Variants in BCAT1 observed in about 807,000 individuals in gnomAD.
BCAT1 encodes the protein branched-chain-amino-acid aminotransferase, cytosolic.
Under a neutral mutation model 52.4 loss-of-function variants are expected in BCAT1, and 48 were observed. That is an observed-to-expected ratio of 0.92 (90% CI 0.73 to 1.16). The LOEUF (loss-of-function observed/expected upper bound fraction) is 1.16, where lower values mean the gene tolerates loss of function less well. BCAT1 is among the 50% of genes most tolerant of loss of function. The pLI is 0.00. For missense variants in BCAT1, 451 were observed against 457.1 expected, an observed-to-expected ratio of 0.99 and a Z score of 0.12; for synonymous variants, 167 against 161.3, an observed-to-expected ratio of 1.04 and a Z score of -0.27.
chr12:24,876,278 A>AT (rs1942336295), intron 5 of BCAT1, among the ~76,000 whole-genome samples: 1 of 143,868 alleles, frequency 7.0e-6, no homozygotes, highest in Non-Finnish European at 1.5e-5. Context: ...AAAAAAAAAA[A>AT]GAAAGAAAAG....
At chr12:24,885,025 G>A (rs890823359) in intron 3 of BCAT1, among the ~76,000 whole-genome samples, 2 of 152,100 alleles carry the variant, frequency 1.3e-5, no homozygotes, top group East Asian at 1.9e-4. Flanking sequence ...TATCAAATTG[G>A]GAACATCGCA....
At chr12:24,911,574 T>C (rs1025067854) in intron 1 of BCAT1, among the ~76,000 whole-genome samples, 4 of 152,230 alleles carry the variant, frequency 2.6e-5, no homozygotes, top group Non-Finnish European at 5.9e-5. Context: ...GACATTCCAG[T>C]GGAGTCTGTT....
rs979830828 is a variant in BCAT1 at position 24,816,057 on chromosome 12, A to G, written c.*1951T>C. ...GACAGTCAAGAGCACCTCAGGCCTG[A>G]AAAGAACAGCTTCTCCCAAGATTTC... On this transcript the variant is annotated 3_prime_UTR_variant, in exon 11 of 11. Transcript: ENST00000261192. The G allele has an allele frequency of 6.5e-6, 1 of 152,750 alleles. No individual in the cohort carries two copies. The highest frequency in any genetic ancestry group is 1.5e-5 in the Non-Finnish European group (1 of 68,458). The allele number at this position is 152,750 out of a possible 1,614,324, so 9.5% of individuals were successfully genotyped here.
At chr12:24,921,176 C>T (rs985451092) in intron 1 of BCAT1, among the ~76,000 whole-genome samples, 2 of 152,148 alleles carry the variant, frequency 1.3e-5, no homozygotes, top group African/African-American at 4.8e-5. Context: ...AAACCACTGG[C>T]CATTGGTGAT....
chr12:24,830,958 A>G (rs958315800), intron 9 of BCAT1, among the ~76,000 whole-genome samples: 4 of 152,228 alleles, frequency 2.6e-5, no homozygotes, highest in East Asian at 1.9e-4. Flanking sequence ...GCTGAGGGAA[A>G]ATAACTCTAA....
chr12:24,927,528 T>A (rs1412047127), intron 1 of BCAT1, among the ~76,000 whole-genome samples: 1 of 152,210 alleles, frequency 6.6e-6, no homozygotes, highest in African/African-American at 2.4e-5. Context: ...CAAATACCAT[T>A]GTCTTTTAAA....
chr12:24,910,244 G>A (rs1286589506), intron 1 of BCAT1, among the ~76,000 whole-genome samples: 1 of 152,028 alleles, frequency 6.6e-6, no homozygotes, highest in African/African-American at 2.4e-5. Context: ...GGGCTTGATG[G>A]CGGGTGCCTG....
intron 8 of BCAT1, among the ~76,000 whole-genome samples, chr12:24,833,475 C>T (rs867317581): frequency 1.3e-5 from 2 of 152,058 alleles, no homozygotes; most frequent in African/African-American, 4.8e-5. Context: ...ACCAAGATCA[C>T]GTCACTGCAG....
chr12:24,837,020 AAAAG>A lies in BCAT1; in HGVS notation c.818-428_818-425del, dbSNP rs879587101. Among the ~76,000 whole-genome samples the A allele has an allele frequency of 2.8e-3, 393 of 138,828 alleles. 28 individuals carry two copies. Among genetic ancestry groups the A allele is most frequent in the Non-Finnish European group, 2.7e-3 (172 of 62,856 alleles). 91.1% of individuals were successfully genotyped at this position (138,828 alleles called of 152,430 possible). A position where few individuals can be genotyped will look rare whatever the true frequency, so the allele number is the denominator to read the frequency against. ...AAGGAACGAAGGAAGGAAGAAAGAAAAAAGAAAGAAAGAAAGAAAAAAGAAAAGA... is the reference window on the plus strand; with the variant it reads ...AAGGAACGAAGGAAGGAAGAAAGAAAAAAGAAAGAAAGAAAAAAGAAAAGA... On this transcript the variant is annotated intron_variant, in intron 7 of 10. Transcript: ENST00000261192.
chr12:24,947,115 C>T (rs1031257138), intron 1 of BCAT1, among the ~76,000 whole-genome samples: 20 of 150,800 alleles, frequency 1.3e-4, no homozygotes, highest in Non-Finnish European at 2.2e-4. Context: ...GGGGCCACAT[C>T]CTGTGTCTGG....
At chr12:24,906,398 G>A (rs1346879404) in intron 1 of BCAT1, among the ~76,000 whole-genome samples, 1 of 152,116 alleles carries the variant, frequency 6.6e-6, no homozygotes, top group Non-Finnish European at 1.5e-5. Flanking sequence ...GGCTGTGAGA[G>A]ATCTGCCTGT....
At chr12:24,879,687 C>A (rs746207915) in intron 4 of BCAT1, among the ~76,000 whole-genome samples, 23 of 152,212 alleles carry the variant, frequency 1.5e-4, no homozygotes, top group Non-Finnish European at 1.9e-4. Flanking sequence ...GAGAAGAGAA[C>A]TTGACCAGGA....
chr12:24,920,022 C>A (rs1943479549), intron 1 of BCAT1, among the ~76,000 whole-genome samples: 1 of 151,960 alleles, frequency 6.6e-6, no homozygotes, highest in African/African-American at 2.4e-5. Flanking sequence ...GTATAAATTA[C>A]CCTGTCTTGG....
intron 5 of BCAT1, among the ~76,000 whole-genome samples, chr12:24,865,225 C>T (rs1941972274): frequency 6.6e-6 from 1 of 152,202 alleles, no homozygotes; most frequent in Admixed American, 6.5e-5. Context: ...TACCTACATG[C>T]ATGACTGTTT....
intron 1 of BCAT1, among the ~76,000 whole-genome samples, chr12:24,946,053 A>G (rs1214061872): frequency 6.6e-6 from 1 of 152,220 alleles, no homozygotes; most frequent in African/African-American, 2.4e-5. Flanking sequence ...TTTATTTTCC[A>G]ACTTCCTATA....
rs1555102883 is a variant in BCAT1 at position 24,836,916 on chromosome 12, A to AG, written c.818-321_818-320insC. ...AAGAAAGAAAAGAAAGAGAGAAAGAAAGAAAGAAAGAAAGAAAGAAAGAAA... is the reference window on the plus strand; with the variant it reads ...AAGAAAGAAAAGAAAGAGAGAAAGAAGAGAAAGAAAGAAAGAAAGAAAGAAA... On this transcript the variant is annotated intron_variant, in intron 7 of 10. Coordinates refer to ENST00000261192, the MANE Select transcript of BCAT1 (RefSeq NM_005504.7). 2.4e-4 allele frequency among the ~76,000 whole-genome samples: 11 copies of AG among 45,508 alleles called. 1 individual carries two copies. The highest frequency in any genetic ancestry group is 6.3e-4 in the African/African-American group (11 of 17,406). 29.9% of individuals were successfully genotyped at this position (45,508 alleles called of 152,430 possible).
At chr12:24,828,891 C>T (rs978420330) in intron 10 of BCAT1, among the ~76,000 whole-genome samples, 1 of 151,888 alleles carries the variant, frequency 6.6e-6, no homozygotes, top group African/African-American at 2.4e-5. Context: ...CCTGTAATCC[C>T]AGCTACTCGG....
chr12:24,937,083 G>A (rs1474480519), intron 1 of BCAT1, among the ~76,000 whole-genome samples: 1 of 152,172 alleles, frequency 6.6e-6, no homozygotes, highest in Non-Finnish European at 1.5e-5. Flanking sequence ...CTCAAGAAAT[G>A]TATGGTCTAG....
rs75287775 is a variant in BCAT1, at chr12:24,836,334, T to C, written c.903+177A>G. The C allele has an allele frequency of 5.4e-3, 3,248 of 602,022 alleles. 88 individuals carry two copies. The African/African-American group carries it at 0.054, about 10-fold the overall frequency. The allele number at this position is 602,022 out of a possible 1,614,324, so 37.3% of individuals were successfully genotyped here. A position where few individuals can be genotyped will look rare whatever the true frequency, so the allele number is the denominator to read the frequency against. The stretch of plus-strand genomic sequence containing the variant: ...CTGCCCTTGCTATCAACAATACTTA[T>C]TTTAATAGTCTTGCCAAGAAAGCCC... On this transcript the variant is annotated intron_variant, in intron 8 of 10. Transcript: ENST00000261192.
Sources: gnomAD v4.1 joint callset for allele counts (sites outside exome capture counted in the v4.1 genomes callset) on GRCh38, gnomAD v4.1.1 for gene constraint, MANE v1.5 for transcripts, NCBI Gene and HGNC (gene_info 2026-07-23, HGNC 2026-07-21) for gene names.